Variants in LIN7A observed in about 807,000 individuals in gnomAD.
LIN7A encodes the protein lin-7 cell polarity scaffold A.
Under a neutral mutation model 29.8 loss-of-function variants are expected in LIN7A, and 25 were observed. The ratio of observed to expected loss-of-function variants is 0.84; its 90% confidence interval spans 0.61 to 1.17. The LOEUF is 1.17. Ranked by LOEUF, LIN7A falls within the 50% of genes most tolerant of loss-of-function variation. LIN7A has a pLI of 0.00. For missense variants in LIN7A, 239 were observed against 287.0 expected, an observed-to-expected ratio of 0.83 and a Z score of 1.21; for synonymous variants, 118 against 107.5, an observed-to-expected ratio of 1.10 and a Z score of -0.60.
chr12:80,899,982 T>G lies in LIN7A; in HGVS notation c.83-10613A>C, dbSNP rs554084552. 3.3e-5 allele frequency among the ~76,000 whole-genome samples: 5 copies of G among 151,960 alleles called. No homozygotes were observed. The East Asian group carries it at 9.7e-4, about 30-fold the overall frequency. ...CGGGGTTTCACCGTGTTAGTCAGGA[T>G]GGTCTCCATCTCCTGACCTCGTGAT... On this transcript the variant is annotated intron_variant, in intron 1 of 5. Coordinates refer to ENST00000552864, the MANE Select transcript of LIN7A (RefSeq NM_004664.4).
intron 1 of LIN7A, among the ~76,000 whole-genome samples, chr12:80,902,496 C>T (rs1465842623): frequency 2.0e-5 from 3 of 151,942 alleles, no homozygotes; most frequent in East Asian, 1.9e-4. Flanking sequence ...TCTACAAGTA[C>T]GGGATGTTTT....
chr12:80,926,302 A>G (rs1877578157), intron 1 of LIN7A, among the ~76,000 whole-genome samples: 1 of 152,216 alleles, frequency 6.6e-6, no homozygotes, highest in African/African-American at 2.4e-5. Flanking sequence ...GAAGGCATTC[A>G]AAAATATAAT....
At chr12:80,882,528 C>T (rs1392738320) in intron 2 of LIN7A, among the ~76,000 whole-genome samples, 1 of 151,518 alleles carries the variant, frequency 6.6e-6, no homozygotes, top group Non-Finnish European at 1.5e-5. Context: ...TCGTGATCCG[C>T]CCGCCTCGGC....
At chr12:80,934,872 C>G (rs143770841) in intron 1 of LIN7A, among the ~76,000 whole-genome samples, 75 of 152,306 alleles carry the variant, frequency 4.9e-4, no homozygotes, top group African/African-American at 1.8e-3. Context: ...CCCTTCCTCT[C>G]CTTTGCCCAC....
intron 4 of LIN7A, chr12:80,841,910 T>G: frequency 9.6e-7 from 1 of 1,039,748 alleles, no homozygotes; most frequent in Non-Finnish European, 1.2e-6. Flanking sequence ...AAATTTTAAT[T>G]CAGCATTCAG....
intron 4 of LIN7A, among the ~76,000 whole-genome samples, chr12:80,813,758 G>A (rs890099075): frequency 5.9e-5 from 9 of 152,106 alleles, no homozygotes; most frequent in Admixed American, 1.3e-4. Flanking sequence ...CCCTACATAA[G>A]GAAACCCTGG....
At chr12:80,879,847 G>A (rs1048156633) in intron 2 of LIN7A, among the ~76,000 whole-genome samples, 8 of 152,114 alleles carry the variant, frequency 5.3e-5, no homozygotes, top group Admixed American at 3.9e-4. Flanking sequence ...CAGAGCAGAC[G>A]TTTATCAAGA....
intron 1 of LIN7A, among the ~76,000 whole-genome samples, chr12:80,930,186 G>C (rs1003636932): frequency 5.9e-5 from 9 of 152,180 alleles, no homozygotes; most frequent in African/African-American, 2.2e-4. Flanking sequence ...ACCATCAATG[G>C]AAATTAGACA....
At chr12:80,892,521 AAATGATACTATCCTG>A (rs1439064893) in intron 1 of LIN7A, among the ~76,000 whole-genome samples, 7 of 152,162 alleles carry the variant, frequency 4.6e-5, no homozygotes, top group Non-Finnish European at 1.0e-4. Flanking sequence ...GCAAAATTGA[AAATGATACTATCCTG>A]AATATTTTTA....
At chr12:80,829,181 C>T (rs564479662) in intron 4 of LIN7A, among the ~76,000 whole-genome samples, 2 of 152,178 alleles carry the variant, frequency 1.3e-5, no homozygotes, top group East Asian at 3.9e-4. Context: ...AAAACAAAAG[C>T]AAAAATCCCT....
intron 2 of LIN7A, among the ~76,000 whole-genome samples, chr12:80,862,559 CA>C (rs1451065188): frequency 1.7e-4 from 26 of 152,264 alleles, no homozygotes; most frequent in African/African-American, 6.3e-4. Context: ...ACATTGAACT[CA>C]AGGCCAACAG....
rs71309554 is a variant in LIN7A at position 80,899,770 on chromosome 12, C to CTT, written c.83-10403_83-10402dup. Reference sequence around the variant, plus strand: ...CCTCTAGGTTTTCTTTTTTTCTTTTCTTTTTTTTTTTTTTTTGAGATCGAG... The same window carrying CTT: ...CCTCTAGGTTTTCTTTTTTTCTTTTCTTTTTTTTTTTTTTTTTTGAGATCGAG... On this transcript the variant is annotated intron_variant, in intron 1 of 5. Coordinates refer to ENST00000552864, the MANE Select transcript of LIN7A (RefSeq NM_004664.4). Among the ~76,000 whole-genome samples, 325 of 125,530 alleles carry CTT rather than the reference C, an allele frequency of 2.6e-3. 9 individuals are homozygous for CTT. The highest frequency in any genetic ancestry group is 8.6e-3 in the African/African-American group (304 of 35,166). The allele number at this position is 125,530 out of a possible 152,430, so 82.4% of individuals were successfully genotyped here.
Position 80,845,928 on chromosome 12 carries a change from T to C in LIN7A, c.285A>G (p.Ala95=), listed in dbSNP as rs1189693599. Residue 95 remains alanine, a synonymous_variant, in exon 4 of 6, where the codon GCA becomes GCG. Coordinates refer to ENST00000552864, the MANE Select transcript of LIN7A (RefSeq NM_004664.4). ...RARATAKATV[A]AFAASEGHSH... ...AGTGGCCTTCACTAGCTGCAAAAGC[T>C]GCAACTGTTGCCTGAAAAAAAAAAA... 6.4e-7 allele frequency: 1 copy of C among 1,570,948 alleles called. No homozygotes were observed. The highest frequency in any genetic ancestry group is 8.6e-7 in the Non-Finnish European group (1 of 1,165,366).
At chr12:80,855,812 T>G (rs1873565900) in intron 2 of LIN7A, among the ~76,000 whole-genome samples, 1 of 152,134 alleles carries the variant, frequency 6.6e-6, no homozygotes, top group Non-Finnish European at 1.5e-5. Flanking sequence ...AACAATTTGG[T>G]CTGCTTGTTT....
intron 2 of LIN7A, among the ~76,000 whole-genome samples, chr12:80,888,044 C>T (rs1172192463): frequency 1.3e-5 from 2 of 152,062 alleles, no homozygotes; most frequent in African/African-American, 4.8e-5. Flanking sequence ...TATACCTTTC[C>T]CACTGAGGGG....
intron 1 of LIN7A, among the ~76,000 whole-genome samples, chr12:80,924,536 A>G (rs1245393430): frequency 3.9e-5 from 6 of 152,218 alleles, no homozygotes; most frequent in Non-Finnish European, 5.9e-5. Flanking sequence ...TTTCAGTTTT[A>G]CAGAGGAAAA....
intron 4 of LIN7A, among the ~76,000 whole-genome samples, chr12:80,812,103 T>C (rs531233604): frequency 3.9e-5 from 6 of 152,266 alleles, no homozygotes; most frequent in Non-Finnish European, 7.4e-5. Flanking sequence ...TGGTGTCTTA[T>C]TGTGTGTATA....
chr12:80,808,900 T>C (rs1183131628), intron 5 of LIN7A, among the ~76,000 whole-genome samples: 1 of 152,158 alleles, frequency 6.6e-6, no homozygotes, highest in Non-Finnish European at 1.5e-5. Flanking sequence ...GAAAGATAGA[T>C]AGATTGTTGA....
chr12:80,843,100 T>C (rs1872898001), intron 4 of LIN7A, among the ~76,000 whole-genome samples: 1 of 152,156 alleles, frequency 6.6e-6, no homozygotes, highest in Non-Finnish European at 1.5e-5. Context: ...TTGGTGAAAT[T>C]AGTAGCCCAT....
Sources: allele counts gnomAD v4.1 joint callset (sites outside exome capture counted in the v4.1 genomes callset), GRCh38; gene constraint gnomAD v4.1.1; transcripts MANE v1.5; gene names NCBI Gene and HGNC (gene_info 2026-07-23, HGNC 2026-07-21).